The following LRRC4C variants were observed in gnomAD, a reference collection of about 807,000 sequenced individuals.
LRRC4C encodes the protein leucine rich repeat containing 4C.
In LRRC4C, 5 loss-of-function variants were observed where a neutral mutation model predicts 33.6. That is an observed-to-expected ratio of 0.15 (90% CI 0.08 to 0.31). The LOEUF is 0.31. Among genes scored for constraint, LRRC4C ranks in the 10% least tolerant of loss-of-function variants. The pLI is 1.00. For synonymous variants in LRRC4C, 329 were observed against 302.0 expected, an observed-to-expected ratio of 1.09 and a Z score of -0.93; for missense variants, 560 against 796.7, an observed-to-expected ratio of 0.70 and a Z score of 3.58.
intron 2 of LRRC4C, among the ~76,000 whole-genome samples, chr11:40,925,772 T>C (rs547916631): frequency 1.2e-4 from 18 of 152,176 alleles, no homozygotes; most frequent in Non-Finnish European, 1.9e-4. Flanking sequence ...TGTCTGTAAA[T>C]TGGAGATTAT....
At chr11:40,510,055 C>T (rs1955233672) in intron 3 of LRRC4C, among the ~76,000 whole-genome samples, 1 of 151,968 alleles carries the variant, frequency 6.6e-6, no homozygotes, top group African/African-American at 2.4e-5. Context: ...TTTTCCACTC[C>T]AGTTATGCAC....
At position 40,508,350 on chromosome 11, in the gene LRRC4C, C is replaced by T. The variant is rs116228584; in HGVS notation, c.-270+139792G>A. ...TATTATAATAAAAAATCATATAAAA[C>T]ACAAAAAACAGAGGTAGACAGAAGG... On this transcript the variant is annotated intron_variant, in intron 3 of 6. Coordinates refer to ENST00000528697, the MANE Select transcript of LRRC4C (RefSeq NM_001258419.2). Among the ~76,000 whole-genome samples, 1,003 of 152,034 alleles carry T rather than the reference C, an allele frequency of 6.6e-3. 9 individuals carry two copies. Among genetic ancestry groups the T allele is most frequent in the African/African-American group, 0.023 (964 of 41,482 alleles).
chr11:40,121,223 T>G (rs1855803623), intron 6 of LRRC4C, among the ~76,000 whole-genome samples: 1 of 152,166 alleles, frequency 6.6e-6, no homozygotes, highest in Non-Finnish European at 1.5e-5. Flanking sequence ...CATCTATTCT[T>G]TCTTACTCTC....
chr11:41,208,194 T>C (rs193006681), intron 1 of LRRC4C, among the ~76,000 whole-genome samples: 84 of 152,280 alleles, frequency 5.5e-4, no homozygotes, highest in African/African-American at 1.9e-3. Flanking sequence ...TGTGATAAAG[T>C]GGCAAAGAAT....
At chr11:40,687,666 T>A (rs1945026777) in intron 2 of LRRC4C, among the ~76,000 whole-genome samples, 1 of 152,138 alleles carries the variant, frequency 6.6e-6, no homozygotes, top group Non-Finnish European at 1.5e-5. Flanking sequence ...TGCTAAACTT[T>A]GTCTTTCTTG....
At chr11:40,565,287 C>T (rs770420644) in intron 3 of LRRC4C, among the ~76,000 whole-genome samples, 1 of 152,122 alleles carries the variant, frequency 6.6e-6, no homozygotes, top group Non-Finnish European at 1.5e-5. Flanking sequence ...GGGCAGTGTG[C>T]CCCTCAGGTC....
At chr11:41,000,406 C>A (rs1005190435) in intron 1 of LRRC4C, among the ~76,000 whole-genome samples, 1 of 152,120 alleles carries the variant, frequency 6.6e-6, no homozygotes, top group Non-Finnish European at 1.5e-5. Context: ...ATAGAGGTCA[C>A]AAATATGTGG....
At chr11:41,078,871 C>G (rs1026958724) in intron 1 of LRRC4C, among the ~76,000 whole-genome samples, 1 of 152,110 alleles carries the variant, frequency 6.6e-6, no homozygotes, top group Non-Finnish European at 1.5e-5. Flanking sequence ...TTTTCGCCAC[C>G]TCAACTACTA....
chr11:40,548,570 A>T (rs1304534075), intron 3 of LRRC4C, among the ~76,000 whole-genome samples: 1 of 152,160 alleles, frequency 6.6e-6, no homozygotes, highest in African/African-American at 2.4e-5. Context: ...AATTTCTCTT[A>T]TTTAAGCCAG....
intron 3 of LRRC4C, among the ~76,000 whole-genome samples, chr11:40,544,210 T>C (rs1956831642): frequency 6.6e-6 from 1 of 152,094 alleles, no homozygotes; most frequent in Admixed American, 6.6e-5. Context: ...CCCACACTTA[T>C]CCAGAAGAAA....
chr11:40,986,421 G>A (rs1207463098), intron 1 of LRRC4C, among the ~76,000 whole-genome samples: 1 of 152,050 alleles, frequency 6.6e-6, no homozygotes, highest in Non-Finnish European at 1.5e-5. Flanking sequence ...AACATAGCGA[G>A]ACCGCATCTC....
At chr11:41,325,578 TGTGTGTGTGTGTG>T (rs1490647298) in intron 1 of LRRC4C, among the ~76,000 whole-genome samples, 4 of 63,416 alleles carry the variant, frequency 6.3e-5, no homozygotes, top group Non-Finnish European at 6.5e-5. Flanking sequence ...TTTTTTTTTT[TGTGTGTGTGTGTG>T]TGTGTGTGTG....
chr11:41,067,892 A>G (rs1399940183), intron 1 of LRRC4C, among the ~76,000 whole-genome samples: 2 of 152,230 alleles, frequency 1.3e-5, no homozygotes, highest in Non-Finnish European at 1.5e-5. Context: ...AATCTCTGGC[A>G]CACAGCTAAA....
chr11:40,784,946 T>C (rs1950352180), intron 2 of LRRC4C, among the ~76,000 whole-genome samples: 1 of 152,020 alleles, frequency 6.6e-6, no homozygotes, highest in Non-Finnish European at 1.5e-5. Flanking sequence ...AATGTGACTG[T>C]TTGGGACTTT....
At chr11:40,284,664 G>A (rs751452025) in intron 4 of LRRC4C, among the ~76,000 whole-genome samples, 16 of 152,176 alleles carry the variant, frequency 1.1e-4, no homozygotes, top group Admixed American at 2.0e-4. Context: ...ATAGACCAAA[G>A]CTGACTTTAA....
At chr11:40,245,946 C>G (rs1461040664) in intron 4 of LRRC4C, among the ~76,000 whole-genome samples, 1 of 150,028 alleles carries the variant, frequency 6.7e-6, no homozygotes, top group Non-Finnish European at 1.5e-5. Flanking sequence ...TTCTTAGATA[C>G]ATGATACATA....
chr11:40,257,228 T>A (rs1163888766), intron 4 of LRRC4C, among the ~76,000 whole-genome samples: 2 of 151,786 alleles, frequency 1.3e-5, no homozygotes, highest in Non-Finnish European at 2.9e-5. Flanking sequence ...TAGAAACAAA[T>A]ACAAAGGATT....
At chr11:41,246,609 C>A (rs921217323) in intron 1 of LRRC4C, among the ~76,000 whole-genome samples, 1 of 152,210 alleles carries the variant, frequency 6.6e-6, no homozygotes, top group African/African-American at 2.4e-5. Context: ...AGCCACGCCT[C>A]CCCCACTGCA....
intron 1 of LRRC4C, among the ~76,000 whole-genome samples, chr11:41,121,315 T>C (rs1230119511): frequency 1.3e-5 from 2 of 152,172 alleles, no homozygotes; most frequent in African/African-American, 2.4e-5. Context: ...CGTTTATATA[T>C]TGTGAAACTC....
Sources: allele counts gnomAD v4.1 joint callset (sites outside exome capture counted in the v4.1 genomes callset), GRCh38; gene constraint gnomAD v4.1.1; transcripts MANE v1.5; gene names NCBI Gene and HGNC (gene_info 2026-07-23, HGNC 2026-07-21).